The following CHST9 variants were observed in gnomAD, a reference collection of about 807,000 sequenced individuals.
CHST9 encodes the protein GalNAc-4-sulfotransferase 2.
In CHST9, 41 loss-of-function variants were observed where a neutral mutation model predicts 44.4. The ratio of observed to expected loss-of-function variants is 0.92; its 90% confidence interval spans 0.72 to 1.20. CHST9 has a LOEUF of 1.20. CHST9 is among the 50% of genes most tolerant of loss of function. The probability of loss-of-function intolerance (pLI) is 0.00; values close to 1 mark genes in which losing one functional copy is unlikely to be tolerated. For synonymous variants in CHST9, 171 were observed against 178.4 expected, an observed-to-expected ratio of 0.96 and a Z score of 0.33; for missense variants, 504 against 516.5, an observed-to-expected ratio of 0.98 and a Z score of 0.23.
At chr18:27,158,081 G>C (rs192080141) in intron 1 of CHST9, among the ~76,000 whole-genome samples, 1 of 152,034 alleles carries the variant, frequency 6.6e-6, no homozygotes, top group Non-Finnish European at 1.5e-5. Context: ...TTACAAGAGA[G>C]ACATCACAAA....
At position 26,951,958 on chromosome 18, in the gene CHST9, C is replaced by T. The variant is rs1436650638; in HGVS notation, c.203-7592G>A. ...CTCCCATCACCTAATGCTGCAGAAC[C>T]AACTGGAGCTGTGCTACTTTGAGAT... On this transcript the variant is annotated intron_variant, in intron 4 of 5. Coordinates refer to ENST00000618847, the MANE Select transcript of CHST9 (RefSeq NM_031422.6). 2.0e-5 allele frequency among the ~76,000 whole-genome samples: 3 copies of T among 152,176 alleles called. No individual in the cohort carries two copies. In the East Asian group the frequency reaches 5.8e-4, roughly 29 times the overall value.
chr18:27,179,102 CTCTATA>C (rs1567951438), intron 1 of CHST9, among the ~76,000 whole-genome samples: 43 of 120,224 alleles, frequency 3.6e-4, no homozygotes, highest in Non-Finnish European at 4.3e-4. Flanking sequence ...CTCTCTCTCT[CTCTATA>C]TATATATATA....
chr18:26,972,183 C>A, intron 4 of CHST9, among the ~76,000 whole-genome samples: 1 of 151,656 alleles, frequency 6.6e-6, no homozygotes, highest in Non-Finnish European at 1.5e-5. Context: ...ATGGCGAAAA[C>A]CCATCTCCAC....
chr18:26,975,666 T>TATATATATATATAA (rs2056609430), intron 4 of CHST9, among the ~76,000 whole-genome samples: 1 of 144,324 alleles, frequency 6.9e-6, no homozygotes, highest in African/African-American at 2.5e-5. Context: ...TATATATATA[T>TATATATATATATAA]ATAAATATAT....
chr18:27,170,190 T>C (rs1002655800), intron 1 of CHST9, among the ~76,000 whole-genome samples: 10 of 152,170 alleles, frequency 6.6e-5, no homozygotes, highest in African/African-American at 2.4e-4. Flanking sequence ...AGGTGGGATA[T>C]GAGCAGAAGT....
chr18:27,096,800 C>A (rs763365195), intron 2 of CHST9, among the ~76,000 whole-genome samples: 1 of 151,606 alleles, frequency 6.6e-6, no homozygotes, highest in Non-Finnish European at 1.5e-5. Flanking sequence ...ATTCTACCAA[C>A]GAAAAAAAAG....
chr18:27,100,014 T>C (rs1255077493), intron 2 of CHST9, among the ~76,000 whole-genome samples: 1 of 107,274 alleles, frequency 9.3e-6, no homozygotes, highest in Non-Finnish European at 1.9e-5. Context: ...ATGATATATA[T>C]ATAATGATAT....
chr18:26,978,467 G>A (rs1025376059), intron 4 of CHST9, among the ~76,000 whole-genome samples: 2 of 151,642 alleles, frequency 1.3e-5, no homozygotes, highest in African/African-American at 2.4e-5. Flanking sequence ...AGCATCTCTC[G>A]TGTGCTAGAA....
intron 4 of CHST9, among the ~76,000 whole-genome samples, chr18:26,960,060 A>G (rs2056379859): frequency 1.3e-5 from 2 of 152,208 alleles, no homozygotes; most frequent in Non-Finnish European, 2.9e-5. Context: ...GGTCCAATTT[A>G]AAGAAGTAAG....
At chr18:26,917,838 A>G (rs1414892598) in intron 5 of CHST9, among the ~76,000 whole-genome samples, 1 of 152,012 alleles carries the variant, frequency 6.6e-6, no homozygotes, top group Non-Finnish European at 1.5e-5. Flanking sequence ...AATCTCGATG[A>G]CCACTTCAGT....
intron 4 of CHST9, among the ~76,000 whole-genome samples, chr18:26,955,194 C>T (rs1395181800): frequency 6.6e-6 from 1 of 151,264 alleles, no homozygotes; most frequent in Non-Finnish European, 1.5e-5. Context: ...TGTTTAAGCA[C>T]CTCAATAACA....
At position 26,912,106 on chromosome 18, in the gene CHST9, C is replaced by A. The variant is rs2055447599; in HGVS notation, c.*4153G>T. 6.6e-6 allele frequency: 1 copy of A among 152,128 alleles called. No homozygotes were observed. Among genetic ancestry groups the A allele is most frequent in the African/African-American group, 2.4e-5 (1 of 41,426 alleles). 9.4% of individuals were successfully genotyped at this position (152,128 alleles called of 1,614,324 possible). A position where few individuals can be genotyped will look rare whatever the true frequency, so the allele number is the denominator to read the frequency against. On this transcript the variant is annotated 3_prime_UTR_variant, in exon 6 of 6. Coordinates refer to ENST00000618847, the MANE Select transcript of CHST9 (RefSeq NM_031422.6). ...TGTGTGGAAAGTTCGCCTGAACTTT[C>A]TTCCTCTTAGATTCTGCTTATCCTT...
chr18:27,096,310 C>T (rs2143734159), intron 2 of CHST9, among the ~76,000 whole-genome samples: 1 of 151,146 alleles, frequency 6.6e-6, no homozygotes, highest in Non-Finnish European at 1.5e-5. Context: ...GTTTATAGTG[C>T]TAAATGCCTA....
chr18:27,057,000 G>A (rs2057664000), intron 2 of CHST9, among the ~76,000 whole-genome samples: 3 of 152,172 alleles, frequency 2.0e-5, no homozygotes, highest in Admixed American at 1.3e-4. Flanking sequence ...TTAGGATGCA[G>A]GCTTTATGGC....
intron 2 of CHST9, among the ~76,000 whole-genome samples, chr18:27,125,233 A>G (rs1017905514): frequency 3.3e-5 from 5 of 152,236 alleles, no homozygotes; most frequent in African/African-American, 1.2e-4. Flanking sequence ...GCCCTAATTT[A>G]TACAAACTAG....
chr18:27,142,983 C>T, intron 1 of CHST9, 78 bp from the exon 2 acceptor site: 1 of 532,760 alleles, frequency 1.9e-6, no homozygotes, highest in East Asian at 3.3e-5. Context: ...TATTCACTAT[C>T]TCAACAAGGC....
chr18:26,985,419 G>T (rs1303120299), intron 4 of CHST9, among the ~76,000 whole-genome samples: 2 of 152,194 alleles, frequency 1.3e-5, no homozygotes, highest in Non-Finnish European at 1.5e-5. Context: ...CTGAACAGCA[G>T]GAAAAGGAGG....
chr18:26,965,643 T>C (rs1031216350), intron 4 of CHST9, among the ~76,000 whole-genome samples: 1 of 152,224 alleles, frequency 6.6e-6, no homozygotes, highest in African/African-American at 2.4e-5. Flanking sequence ...TACTGCATGG[T>C]ATTGCTATGA....
At chr18:27,026,674 T>C (rs1319281410) in intron 3 of CHST9, among the ~76,000 whole-genome samples, 2 of 152,172 alleles carry the variant, frequency 1.3e-5, no homozygotes, top group East Asian at 1.9e-4. Context: ...TACAAGATCA[T>C]GTACTGAATA....
Sources: allele counts gnomAD v4.1 joint callset (sites outside exome capture counted in the v4.1 genomes callset), GRCh38; gene constraint gnomAD v4.1.1; transcripts MANE v1.5; gene names NCBI Gene and HGNC (gene_info 2026-07-23, HGNC 2026-07-21).